Variants in FIP1L1 observed in about 807,000 individuals in gnomAD.
FIP1L1 encodes the protein factor interacting with PAPOLA and CPSF1.
FIP1L1 carries 21 observed loss-of-function variants against 84.6 expected under a neutral mutation model. The observed-to-expected ratio is 0.25, with a 90% CI of 0.18 to 0.36. The LOEUF (loss-of-function observed/expected upper bound fraction) is 0.36, where lower values mean the gene tolerates loss of function less well. Among genes scored for constraint, FIP1L1 ranks in the 10% least tolerant of loss-of-function variants. The probability of loss-of-function intolerance (pLI) is 1.00; values close to 1 mark genes in which losing one functional copy is unlikely to be tolerated. For synonymous variants in FIP1L1, 263 were observed against 242.3 expected (o/e 1.09, Z -0.80); for missense variants, 526 against 751.1 (o/e 0.70, Z 3.50).
At chr4:53,384,863 A>G (rs1420145274) in intron 5 of FIP1L1, among the ~76,000 whole-genome samples, 10 of 152,358 alleles carry the variant, frequency 6.6e-5, no homozygotes, top group Middle Eastern at 3.4e-3. Flanking sequence ...TAATTTCACT[A>G]TAGTTCATTA....
At chr4:53,442,584 A>C in intron 13 of FIP1L1, 69 bp from the exon 14 acceptor site, 1 of 1,060,768 alleles carries the variant, frequency 9.4e-7, no homozygotes, top group Non-Finnish European at 1.5e-6. Context: ...GATATGCAGC[A>C]ACTTTGTTTC....
Position 53,399,716 on chromosome 4 carries a change from C to CTTTTTTT in FIP1L1, c.706-10_706-4dup, listed in dbSNP as rs369079997. The CTTTTTTT allele has an allele frequency of 2.3e-6, 3 of 1,283,132 alleles. No individual in the cohort carries two copies. The highest frequency in any genetic ancestry group is 1.4e-5 in the South Asian group (1 of 70,950). The allele number at this position is 1,283,132 out of a possible 1,614,324, so 79.5% of individuals were successfully genotyped here. A position where few individuals can be genotyped will look rare whatever the true frequency, so the allele number is the denominator to read the frequency against. On this transcript the variant is annotated splice_polypyrimidine_tract_variant and intron_variant, in intron 9 of 17. Coordinates refer to ENST00000337488, the MANE Select transcript of FIP1L1 (RefSeq NM_030917.4). ...CTGTTAAATTCAACAAGCTAATAACCTTTTTTTTTTAAGGTACAGCAGGGA... is the reference window on the plus strand; with the variant it reads ...CTGTTAAATTCAACAAGCTAATAACCTTTTTTTTTTTTTTTTTAAGGTACAGCAGGGA...
At chr4:53,378,425 A>T (rs1468321431) in intron 1 of FIP1L1, 1 of 152,846 alleles carries the variant, frequency 6.5e-6, no homozygotes, top group Non-Finnish European at 1.5e-5. Flanking sequence ...TGCACCTGCA[A>T]GGGTACCTCC....
At chr4:53,437,495 A>T (rs1769917496) in intron 13 of FIP1L1, among the ~76,000 whole-genome samples, 5 of 151,892 alleles carry the variant, frequency 3.3e-5, no homozygotes, top group Admixed American at 3.3e-4. Flanking sequence ...CTCAGCAGTG[A>T]AATTAGGAGG....
At chr4:53,430,752 A>G (rs1199708540) in intron 13 of FIP1L1, among the ~76,000 whole-genome samples, 1 of 152,090 alleles carries the variant, frequency 6.6e-6, no homozygotes, top group Non-Finnish European at 1.5e-5. Context: ...TGCTTAATCT[A>G]TTTTTCTACT....
At chr4:53,406,988 GT>G (rs1369266378) in intron 10 of FIP1L1, among the ~76,000 whole-genome samples, 2 of 152,074 alleles carry the variant, frequency 1.3e-5, no homozygotes, top group Non-Finnish European at 2.9e-5. Flanking sequence ...TTTTTGAAGG[GT>G]TTTTTGTGTC....
At chr4:53,451,496 G>A (rs543114616) in intron 15 of FIP1L1, among the ~76,000 whole-genome samples, 3 of 151,084 alleles carry the variant, frequency 2.0e-5, no homozygotes, top group East Asian at 3.9e-4. Context: ...TCGTCAAGTC[G>A]TCTTGAATTG....
rs1735302945 is a variant in FIP1L1, at chr4:53,377,718, G to C, written c.-121G>C. On this transcript the variant is annotated 5_prime_UTR_variant, in exon 1 of 18. Coordinates refer to ENST00000337488, the MANE Select transcript of FIP1L1 (RefSeq NM_030917.4). The stretch of plus-strand genomic sequence containing the variant: ...GTCGCCTTCCTGGGATTGGAGTCTC[G>C]AGCTTTCTTCGTTCGTTCGTCGGCG... The C allele has an allele frequency of 1.1e-6, 1 of 906,820 alleles. No homozygotes were observed. Among genetic ancestry groups the C allele is most frequent in the Non-Finnish European group, 1.6e-6 (1 of 627,282 alleles). 56.2% of individuals were successfully genotyped at this position (906,820 alleles called of 1,614,324 possible).
In FIP1L1 at chr4:53,377,885, G is replaced by T; in HGVS notation, c.47G>T (p.Gly16Val). 6.2e-7 allele frequency: 1 copy of T among 1,601,202 alleles called. No homozygotes were observed. Among genetic ancestry groups the T allele is most frequent in the Admixed American group, 1.7e-5 (1 of 58,562 alleles). The part of the protein sequence containing the change: ...VERLVSELSG[G>V]TGGDEEEEWL... Reference sequence around the variant, plus strand: ...CGCCTAGTGTCGGAGCTGAGCGGCGGGACCGGAGGGGATGAGGAGGAAGAG... The same window carrying T: ...CGCCTAGTGTCGGAGCTGAGCGGCGTGACCGGAGGGGATGAGGAGGAAGAG... The change falls in exon 1 of 18, where the codon GGG becomes GTG. Residue 16 changes from glycine to valine, a missense_variant. Coordinates refer to ENST00000337488, the MANE Select transcript of FIP1L1 (RefSeq NM_030917.4).
chr4:53,417,738 A>AACACACACACACACACACACACACACAC (rs371194870), intron 11 of FIP1L1, among the ~76,000 whole-genome samples: 1 of 70,398 alleles, frequency 1.4e-5, no homozygotes, highest in African/African-American at 7.5e-5. Context: ...TCTCTTTTTA[A>AACACACACACACACACACACACACACAC]ACACACACAC....
At chr4:53,457,116 C>T (rs73156100) in intron 16 of FIP1L1, among the ~76,000 whole-genome samples, 70 of 152,234 alleles carry the variant, frequency 4.6e-4, no homozygotes, top group African/African-American at 1.6e-3. Flanking sequence ...TGCCTACTCT[C>T]ATACCAAGCA....
intron 13 of FIP1L1, among the ~76,000 whole-genome samples, chr4:53,434,815 A>G (rs1443551793): frequency 3.3e-5 from 5 of 152,206 alleles, no homozygotes; most frequent in Non-Finnish European, 7.3e-5. Context: ...CAGATTCAGT[A>G]GGGTCTCAGG....
intron 4 of FIP1L1, among the ~76,000 whole-genome samples, chr4:53,383,380 G>A (rs1188572157): frequency 6.6e-6 from 1 of 152,166 alleles, no homozygotes; most frequent in Non-Finnish European, 1.5e-5. Flanking sequence ...TACAGAGTGG[G>A]GCCGGGCATG....
At chr4:53,390,283 A>G (rs28658460) in intron 6 of FIP1L1, among the ~76,000 whole-genome samples, 19,784 of 152,158 alleles carry the variant, frequency 0.13, 2,571 homozygotes, top group African/African-American at 0.32. Context: ...TTGACCGTAC[A>G]TCACAGAGAC....
At chr4:53,427,791 G>A (rs1418681196) in intron 12 of FIP1L1, among the ~76,000 whole-genome samples, 1 of 151,966 alleles carries the variant, frequency 6.6e-6, no homozygotes, top group Non-Finnish European at 1.5e-5. Context: ...TGATCCAGTT[G>A]TTTTTTCTTA....
At chr4:53,425,038 C>G (rs1710422468) in intron 11 of FIP1L1, among the ~76,000 whole-genome samples, 1 of 151,996 alleles carries the variant, frequency 6.6e-6, no homozygotes, top group African/African-American at 2.4e-5. Context: ...TGTTTTGCTT[C>G]TATAAAGTTT....
At chr4:53,395,575 C>T (rs74875053) in intron 9 of FIP1L1, among the ~76,000 whole-genome samples, 24,946 of 152,062 alleles carry the variant, frequency 0.16, 2,084 homozygotes, top group South Asian at 0.23. Context: ...AATAATCATG[C>T]TAAAGATGAT....
chr4:53,444,225 T>G, intron 15 of FIP1L1, 122 bp downstream of exon 15: 1 of 626,130 alleles, frequency 1.6e-6, no homozygotes, highest in Non-Finnish European at 2.9e-6. Context: ...AAATATTAAC[T>G]ACAGGAATGA....
At chr4:53,399,964 A>C (rs1440655446) in intron 10 of FIP1L1, 125 bp downstream of exon 10, 1 of 634,872 alleles carries the variant, frequency 1.6e-6, no homozygotes, top group East Asian at 2.6e-5. Flanking sequence ...ACTTTGGTTT[A>C]GTACAAAATG....
Sources: allele counts gnomAD v4.1 joint callset (sites outside exome capture counted in the v4.1 genomes callset), GRCh38; gene constraint gnomAD v4.1.1; transcripts MANE v1.5; gene names NCBI Gene and HGNC (gene_info 2026-07-23, HGNC 2026-07-21).